Variants in TAF6 observed in about 807,000 individuals in gnomAD.
The protein encoded by TAF6 is TATA-box binding protein associated factor 6.
Under a neutral mutation model 73.5 loss-of-function variants are expected in TAF6, and 50 were observed. That is an observed-to-expected ratio of 0.68 (90% confidence interval 0.54 to 0.86). The LOEUF (loss-of-function observed/expected upper bound fraction) is 0.86, where lower values mean the gene tolerates loss of function less well. TAF6 is among the 40% of genes least tolerant of loss of function. TAF6 has a pLI of 0.00. For synonymous variants in TAF6, 424 were observed against 376.7 expected (o/e 1.13, Z -1.45); for missense variants, 768 against 899.5 (o/e 0.85, Z 1.87).
At position 100,119,190 on chromosome 7, in the gene TAF6, G is replaced by A. The variant is rs1417930432; in HGVS notation, c.-60+14C>T. The A allele has an allele frequency of 1.6e-5, 16 of 989,544 alleles. No homozygotes were observed. Among genetic ancestry groups the A allele is most frequent in the Middle Eastern group, 5.2e-4 (1 of 1,918 alleles). 61.3% of individuals were successfully genotyped at this position (989,544 alleles called of 1,614,324 possible). ...CACACACGGGGTCCCCACGAGCACA[G>A]ACACACAACCAACCGTCCTCTTTCC... On this transcript the variant is annotated intron_variant, in intron 1 of 14. Transcript: ENST00000453269.
chr7:100,108,894 C>T lies in TAF6; in HGVS notation c.1285-354G>A, dbSNP rs868626826. On this transcript the variant is annotated intron_variant, in intron 12 of 14. Transcript: ENST00000453269. ...CAAAAACTAGCCAGGCATGGTGGCA[C>T]GCACCTGTAGTCCCAGCTACTGGGG... 7 of 184,816 alleles carry T rather than the reference C, an allele frequency of 3.8e-5. 1 individual carries two copies. Among genetic ancestry groups the T allele is most frequent in the South Asian group, 3.6e-4 (3 of 8,416 alleles). The allele number at this position is 184,816 out of a possible 1,614,324, so 11.4% of individuals were successfully genotyped here.
the TAF6 span, among the ~76,000 whole-genome samples, chr7:100,126,535 C>T: frequency 2.0e-5 from 3 of 152,088 alleles, no homozygotes; most frequent in Non-Finnish European, 4.4e-5. Flanking sequence ...TGGCTCACAC[C>T]TGTAATCCTA....
upstream of TAF6, chr7:100,122,272 G>A: frequency 6.2e-7 from 1 of 1,613,996 alleles, no homozygotes. Flanking sequence ...GTAAGCTGCT[G>A]AGCACAGAGC....
At chr7:100,112,356 G>T in intron 6 of TAF6, 103 bp from the exon 7 acceptor site, 1 of 1,477,872 alleles carries the variant, frequency 6.8e-7, no homozygotes. Context: ...AGGAGACCTG[G>T]CTTCTTCTTA....
chr7:100,109,815 A>G (rs1796997805), intron 12 of TAF6, 133 bp downstream of exon 12: 2 of 1,362,760 alleles, frequency 1.5e-6, no homozygotes, highest in Non-Finnish European at 2.0e-6. Context: ...CATCTGTAAA[A>G]TAGTATCAGA....
Position 100,108,426 on chromosome 7 carries a change from G to A in TAF6, c.1399C>T (p.Arg467Trp). The change falls in exon 13 of 15, where the codon CGG becomes TGG. Residue 467 changes from arginine (R) to tryptophan (W), a missense_variant. By Grantham distance (101) the Arg-to-Trp change is moderately radical (BLOSUM62 -3). Around this residue, in one of 5 missense-constraint regions of TAF6, gnomAD observed 350 missense variants for 352.3 expected, o/e 0.99. Transcript: ENST00000453269. ...TGAGCCTGCAGAGCAGCCTGGGCCC[G>A]AGCCTTGACCACCTGGGAGCAGAGG... ...PLLCSQVVKA[R>W]AQAALQAQQV... 4 of 1,613,840 alleles carry A rather than the reference G, an allele frequency of 2.5e-6. No homozygotes were observed. Among genetic ancestry groups the A allele is most frequent in the South Asian group, 1.1e-5 (1 of 91,084 alleles).
At position 100,107,507 on chromosome 7, in the gene TAF6, T is replaced by A; in HGVS notation, c.1773A>T (p.Ala591=). Residue 591 remains alanine, a synonymous_variant, in exon 15 of 15, where the codon GCA becomes GCT. Transcript: ENST00000453269. The part of the protein sequence containing the change: ...IVKLVSTATT[A]PPSTAPSGPG... ...GACCAGAGGGAGCAGTGCTGGGGGG[T>A]GCGGTGGTGGCGGTGGAGACCAACT... 6.2e-7 allele frequency: 1 copy of A among 1,612,888 alleles called. No homozygotes were observed. Among genetic ancestry groups the A allele is most frequent in the Non-Finnish European group, 8.5e-7 (1 of 1,179,720 alleles).
Position 100,113,681 on chromosome 7 carries a change from T to C in TAF6, c.332A>G (p.Glu111Gly), listed in dbSNP as rs762756439. The change falls in exon 4 of 15, where the codon GAG becomes GGG. Residue 111 changes from glutamate to glycine, a missense_variant. By Grantham distance (98) the Glu-to-Gly change is moderately conservative (BLOSUM62 -2). Around this residue, in one of 5 missense-constraint regions of TAF6, gnomAD observed 269 missense variants for 268.0 expected, o/e 1.00. Transcript: ENST00000453269. ...GRELYFYEEK[E>G]VDLSDIINTP... Reference sequence around the variant, plus strand: ...ATTGATGATGTCGCTCAGATCAACCTCCTTCTCCTCATAGAAGTAAAGCTC... The same window carrying C: ...ATTGATGATGTCGCTCAGATCAACCCCCTTCTCCTCATAGAAGTAAAGCTC... The C allele has an allele frequency of 1.2e-6, 2 of 1,613,976 alleles. No individual in the cohort carries two copies. The highest frequency in any genetic ancestry group is 2.2e-5 in the South Asian group (2 of 91,076).
rs771996084 is a variant in TAF6 at position 100,110,333 on chromosome 7, C to A, written c.1084-59G>T. The A allele has an allele frequency of 2.6e-6, 4 of 1,563,230 alleles. No individual in the cohort carries two copies. The Admixed American group carries it at 6.7e-5, about 26-fold the overall frequency. On this transcript the variant is annotated intron_variant, in intron 10 of 14. Coordinates refer to ENST00000453269, the MANE Select transcript of TAF6 (RefSeq NM_139315.3). ...GGTCTGAAAGGATGATTGACAGGGA[C>A]CTAAGTCTTTCATAGACACTTTCCT...
chr7:100,110,995 A>AAT, intron 10 of TAF6, 144 bp downstream of exon 10: 1 of 742,830 alleles, frequency 1.3e-6, no homozygotes, highest in Non-Finnish European at 2.1e-6. Context: ...AAAAAAAAAA[A>AAT]GGTATTACAG....
chr7:100,113,529 T>C lies in TAF6; in HGVS notation c.397+87A>G, dbSNP rs1430042130. ...ACTCACCAGGGATCTCACACTGAGC[T>C]TTTCTTCTATTGTGAGGCTCCTCAC... is the stretch of plus-strand genomic sequence containing the variant. On this transcript the variant is annotated intron_variant, in intron 4 of 14. Transcript: ENST00000453269. The C allele has an allele frequency of 9.6e-6, 15 of 1,554,718 alleles. No homozygotes were observed. The East Asian group carries it at 3.2e-4, about 33-fold the overall frequency.
chr7:100,126,252 G>A, the TAF6 span, among the ~76,000 whole-genome samples: 2 of 152,234 alleles, frequency 1.3e-5, no homozygotes, highest in African/African-American at 2.4e-5. Flanking sequence ...TGAGACAGGA[G>A]AATCGCTTGA....
At position 100,112,847 on chromosome 7, in the gene TAF6, G is replaced by A. The variant is rs147325647; in HGVS notation, c.525C>T (p.Asp175=). 580 of 1,613,772 alleles carry A rather than the reference G, an allele frequency of 3.6e-4. 2 individuals carry two copies. The highest frequency in any genetic ancestry group is 1.2e-4 in the Non-Finnish European group (136 of 1,179,828). Residue 175 remains aspartate, a synonymous_variant, in exon 6 of 15, where the codon GAC becomes GAT. Coordinates refer to ENST00000453269, the MANE Select transcript of TAF6 (RefSeq NM_139315.3). Reference sequence around the variant, plus strand: ...CTTGACCTTTGCCCTTCAGGGGTCCGTCTTCCTCCTGGCCTGGCTTGGCTG... The same window carrying A: ...CTTGACCTTTGCCCTTCAGGGGTCCATCTTCCTCCTGGCCTGGCTTGGCTG... ...LKSAKPGQEE[D]GPLKGKGQGA...
At chr7:100,118,769 G>A (rs1009494417) in intron 1 of TAF6, 1 of 770,290 alleles carries the variant, frequency 1.3e-6, no homozygotes. Context: ...GTGCTGGAAG[G>A]ATGGGAAGAG....
At chr7:100,123,059 C>T (rs557386317), upstream of TAF6, among the ~76,000 whole-genome samples, 17 of 151,654 alleles carry the variant, frequency 1.1e-4, no homozygotes, top group East Asian at 1.2e-3. Context: ...GGTCCAGGAG[C>T]GGTGGGGTGC....
chr7:100,117,305 CTTG>C (rs1797751475), intron 1 of TAF6, among the ~76,000 whole-genome samples: 2 of 132,262 alleles, frequency 1.5e-5, no homozygotes, highest in African/African-American at 2.8e-5. Context: ...GAGTTTCACT[CTTG>C]TTGTCCAGGC....
rs1407542984 is a variant in TAF6 at position 100,108,534 on chromosome 7, AGT to A, written c.1289_1290del (p.His430LeufsTer13). ...ADHVQSLLLK[H>X]CAPVLAKLRP... Reference sequence around the variant, plus strand: ...CGCAGCTTTGCCAGAACAGGAGCACAGTGTTTCTGCAGAACAGAAAAAAAGCC... The same window carrying A: ...CGCAGCTTTGCCAGAACAGGAGCACAGTTTCTGCAGAACAGAAAAAAAGCC... On this transcript the variant is annotated frameshift_variant, in exon 13 of 15. Coordinates refer to ENST00000453269, the MANE Select transcript of TAF6 (RefSeq NM_139315.3). LOFTEE classifies it high-confidence loss of function. The A allele has an allele frequency of 6.2e-7, 1 of 1,607,144 alleles. No homozygotes were observed. The highest frequency in any genetic ancestry group is 8.5e-7 in the Non-Finnish European group (1 of 1,175,084).
At chr7:100,112,736 AAAAC>A in intron 6 of TAF6, 58 bp downstream of exon 6, 1 of 1,524,996 alleles carries the variant, frequency 6.6e-7, no homozygotes, top group Non-Finnish European at 8.8e-7. Flanking sequence ...AAAAGGAAAC[AAAAC>A]AAACGGCCAT....
Position 100,114,147 on chromosome 7 carries a change from C to T in TAF6, c.63G>A (p.Val21=). Residue 21 remains valine, a synonymous_variant, in exon 2 of 15, where the codon GTG becomes GTA. Transcript: ENST00000453269. Reference sequence around the variant, plus strand: ...GGGCGATGCCCATGGATTCAGCCACCACCTTCATGGACTCCGAGGGCAGCA... The same window carrying T: ...GGGCGATGCCCATGGATTCAGCCACTACCTTCATGGACTCCGAGGGCAGCA... The part of the protein sequence containing the change: ...NTVLPSESMK[V]VAESMGIAQI... The T allele has an allele frequency of 6.2e-7, 1 of 1,614,242 alleles. No individual in the cohort carries two copies. Among genetic ancestry groups the T allele is most frequent in the Non-Finnish European group, 8.5e-7 (1 of 1,180,048 alleles).
Sources: gnomAD v4.1 joint callset for allele counts (sites outside exome capture counted in the v4.1 genomes callset) on GRCh38, gnomAD v4.1.1 for gene constraint, gnomAD v4.1.1 regional missense constraint, MANE v1.5 for transcripts, NCBI Gene and HGNC (gene_info 2026-07-23, HGNC 2026-07-21) for gene names.